FBXW11: variants seen among roughly 807,000 people sequenced by gnomAD.
FBXW11 encodes the protein F-box/WD repeat-containing protein 11.
Under a neutral mutation model 77.6 loss-of-function variants are expected in FBXW11, and 19 were observed. The ratio of observed to expected loss-of-function variants is 0.24; its 90% CI spans 0.17 to 0.36. FBXW11 has a LOEUF of 0.36. Ranked by LOEUF, FBXW11 falls within the 10% of genes least tolerant of loss-of-function variation. The pLI is 1.00. For synonymous variants in FBXW11, 235 were observed against 249.4 expected (o/e 0.94, Z 0.54); for missense variants, 334 against 704.2 (o/e 0.47, Z 5.95).
intron 8 of FBXW11, among the ~76,000 whole-genome samples, 190 bp downstream of exon 8, chr5:171,877,821 G>A (rs574033273): frequency 3.0e-4 from 45 of 152,282 alleles, no homozygotes; most frequent in African/African-American, 4.3e-4. Flanking sequence ...AACAGCAATA[G>A]GAATAGAACA....
intron 6 of FBXW11, among the ~76,000 whole-genome samples, chr5:171,897,004 G>A (rs1385330397): frequency 6.6e-6 from 1 of 152,094 alleles, no homozygotes; most frequent in Non-Finnish European, 1.5e-5. Flanking sequence ...ATTTTGAGGT[G>A]GTAGCAGTGG....
In FBXW11 at chr5:171,869,200, AATAAT is replaced by A. The variant is rs1450232609; in HGVS notation, c.1531-409_1531-405del. Among the ~76,000 whole-genome samples, 2 of 152,216 alleles carry A rather than the reference AATAAT, an allele frequency of 1.3e-5. No individual in the cohort carries two copies. Among genetic ancestry groups the A allele is most frequent in the African/African-American group, 4.8e-5 (2 of 41,462 alleles). ...CCAGCATCAAAATTCATGGTGAAAT[AATAAT>A]ATAAGAGTTCCCATTAAAATCAAGA... On this transcript the variant is annotated intron_variant, in intron 12 of 13. Transcript: ENST00000517395. This position sits in a 1 kb window ranked among gnomAD's most constrained non-coding sequence, Gnocchi z 4.1.
intron 1 of FBXW11, among the ~76,000 whole-genome samples, chr5:171,987,086 C>A (rs1169468611): frequency 6.6e-6 from 1 of 152,154 alleles, no homozygotes; most frequent in Non-Finnish European, 1.5e-5. Flanking sequence ...CCAGCTAATG[C>A]CTGATGTCTA....
intron 2 of FBXW11, among the ~76,000 whole-genome samples, chr5:171,936,004 G>A (rs1389556119): frequency 6.6e-5 from 10 of 151,178 alleles, no homozygotes; most frequent in Admixed American, 5.9e-4. Context: ...CCAGCTACTC[G>A]GGAGGCTGAG....
At chr5:172,003,823 G>A (rs1303860835) in intron 1 of FBXW11, among the ~76,000 whole-genome samples, 1 of 152,118 alleles carries the variant, frequency 6.6e-6, no homozygotes, top group Non-Finnish European at 1.5e-5. Context: ...GAAAGTACAG[G>A]GATGAAGATT....
chr5:171,893,099 G>T (rs540684415), intron 6 of FBXW11, among the ~76,000 whole-genome samples: 1 of 152,012 alleles, frequency 6.6e-6, no homozygotes, highest in Non-Finnish European at 1.5e-5. Flanking sequence ...ATCATTGTTC[G>T]CATTTTATAG....
At chr5:171,983,937 C>A (rs1013840145) in intron 1 of FBXW11, among the ~76,000 whole-genome samples, 1 of 151,184 alleles carries the variant, frequency 6.6e-6, no homozygotes, top group African/African-American at 2.4e-5. Context: ...TTTCATCAAC[C>A]AAGTAAAACA....
intron 1 of FBXW11, among the ~76,000 whole-genome samples, chr5:171,979,035 G>T (rs1765001587): frequency 1.3e-5 from 2 of 152,076 alleles, no homozygotes; most frequent in African/African-American, 2.4e-5. Context: ...TAAAGGTTAA[G>T]AACAGTGGGT....
intron 2 of FBXW11, among the ~76,000 whole-genome samples, chr5:171,934,842 A>C (rs839264): frequency 6.6e-6 from 1 of 152,176 alleles, no homozygotes; most frequent in Admixed American, 6.5e-5. Flanking sequence ...TGGAGTTTCT[A>C]AAGAAAAAAA....
chr5:171,975,049 C>A (rs1764751682), intron 1 of FBXW11, among the ~76,000 whole-genome samples: 3 of 152,194 alleles, frequency 2.0e-5, no homozygotes, highest in East Asian at 1.9e-4. Context: ...CCGCCTCGGC[C>A]TCCCAAAGTG....
chr5:171,951,530 C>T (rs758542879), intron 2 of FBXW11, among the ~76,000 whole-genome samples: 2 of 150,046 alleles, frequency 1.3e-5, no homozygotes, highest in African/African-American at 2.4e-5. Flanking sequence ...GAGCAAGACC[C>T]AATCTCAAAA....
chr5:171,906,664 A>G (rs186921848), intron 4 of FBXW11, among the ~76,000 whole-genome samples: 113 of 152,280 alleles, frequency 7.4e-4, no homozygotes, highest in African/African-American at 1.9e-3. Context: ...ATACCCATAA[A>G]GTATTACTAT....
chr5:171,865,184 ACT>A (rs1047904303), intron 13 of FBXW11, among the ~76,000 whole-genome samples: 1 of 152,036 alleles, frequency 6.6e-6, no homozygotes, highest in Admixed American at 6.6e-5. Flanking sequence ...AGAAGTGGAC[ACT>A]CTCAAATGCT....
intron 2 of FBXW11, among the ~76,000 whole-genome samples, chr5:171,918,035 G>A (rs1761365838): frequency 6.6e-6 from 1 of 151,846 alleles, no homozygotes; most frequent in African/African-American, 2.4e-5. Flanking sequence ...CAACAGCCTG[G>A]CGTAATTCCT....
At chr5:171,976,421 G>A (rs1056455969) in intron 1 of FBXW11, among the ~76,000 whole-genome samples, 8 of 152,114 alleles carry the variant, frequency 5.3e-5, no homozygotes, top group African/African-American at 1.9e-4. Flanking sequence ...TCCCTCATTC[G>A]ACTGGGCAAC....
intron 1 of FBXW11, among the ~76,000 whole-genome samples, chr5:171,996,432 C>T (rs1050975426): frequency 2.0e-5 from 3 of 152,086 alleles, no homozygotes; most frequent in Non-Finnish European, 4.4e-5. Context: ...TCTGGGAGGC[C>T]AAGGCAGGCA....
intron 1 of FBXW11, among the ~76,000 whole-genome samples, chr5:172,002,480 C>T (rs1277367250): frequency 6.7e-6 from 1 of 149,266 alleles, no homozygotes; most frequent in Non-Finnish European, 1.5e-5. Context: ...AAACCTGTGT[C>T]CACTGAGTCT....
At chr5:171,967,877 TATATATACACACACACACAC>T (rs1764299468) in intron 1 of FBXW11, among the ~76,000 whole-genome samples, 1 of 58,614 alleles carries the variant, frequency 1.7e-5, no homozygotes, top group African/African-American at 5.3e-5. Context: ...TATATATATA[TATATATACACACACACACAC>T]ACACACACAC....
intron 2 of FBXW11, among the ~76,000 whole-genome samples, chr5:171,953,628 C>CA (rs1218976689): frequency 6.6e-6 from 1 of 152,080 alleles, no homozygotes; most frequent in East Asian, 1.9e-4. Flanking sequence ...TCATACCCCC[C>CA]AAGAGTAAGA....
Sources: gnomAD v4.1 joint callset for allele counts (sites outside exome capture counted in the v4.1 genomes callset) on GRCh38, gnomAD v4.1.1 for gene constraint, Gnocchi (gnomAD v3.1) non-coding constraint, MANE v1.5 for transcripts, NCBI Gene and HGNC (gene_info 2026-07-23, HGNC 2026-07-21) for gene names.